The following RALGPS2 variants were observed in gnomAD, a reference collection of about 807,000 sequenced individuals.
RALGPS2 encodes the protein ras-specific guanine nucleotide-releasing factor RalGPS2.
A neutral mutation model predicts 86.8 loss-of-function variants in RALGPS2; 43 were observed. That is an observed-to-expected ratio of 0.50 (90% CI 0.39 to 0.64). RALGPS2 has a LOEUF of 0.64. Among genes scored for constraint, RALGPS2 ranks in the 30% least tolerant of loss-of-function variants. RALGPS2 has a pLI of 0.00. For synonymous variants in RALGPS2, 243 were observed against 231.3 expected (o/e 1.05, Z -0.46); for missense variants, 536 against 694.6 (o/e 0.77, Z 2.57).
At chr1:178,884,946 T>A in intron 11 of RALGPS2, 130 bp from the exon 12 acceptor site, 1 of 888,334 alleles carries the variant, frequency 1.1e-6, no homozygotes, top group Non-Finnish European at 1.6e-6. Context: ...GATATATTTC[T>A]CATCTTCAAG....
intron 8 of RALGPS2, among the ~76,000 whole-genome samples, chr1:178,854,485 A>G (rs991771656): frequency 6.6e-6 from 1 of 152,166 alleles, no homozygotes; most frequent in African/African-American, 2.4e-5. Flanking sequence ...AAACTCATAG[A>G]ATCTTAAATT....
At chr1:178,859,141 C>CTTTTT (rs10623482) in intron 8 of RALGPS2, among the ~76,000 whole-genome samples, 70,813 of 151,408 alleles carry the variant, frequency 0.47, 17,883 homozygotes, top group African/African-American at 0.66. Context: ...GCAACCCAAA[C>CTTTTT]TTTTAATTAT....
At chr1:178,834,970 G>A (rs1656203987) in intron 8 of RALGPS2, among the ~76,000 whole-genome samples, 1 of 152,214 alleles carries the variant, frequency 6.6e-6, no homozygotes, top group South Asian at 2.1e-4. Context: ...TAGAGACAGG[G>A]TTTCGCCATG....
At chr1:178,737,826 G>A (rs1650807303) in intron 1 of RALGPS2, among the ~76,000 whole-genome samples, 1 of 151,972 alleles carries the variant, frequency 6.6e-6, no homozygotes, top group South Asian at 2.1e-4. Context: ...CACCCAGACT[G>A]GATTCCAATG....
At chr1:178,770,842 T>G (rs1040326904) in intron 1 of RALGPS2, among the ~76,000 whole-genome samples, 2 of 149,728 alleles carry the variant, frequency 1.3e-5, no homozygotes, top group Non-Finnish European at 3.0e-5. Context: ...GTTGTTGTTT[T>G]TTTTTTTTTT....
rs902576809 is a variant in RALGPS2 at position 178,917,288 on chromosome 1, C to G, written c.*929C>G. 6.6e-6 allele frequency: 1 copy of G among 152,116 alleles called. No individual in the cohort carries two copies. The highest frequency in any genetic ancestry group is 1.5e-5 in the Non-Finnish European group (1 of 68,022). 9.4% of individuals were successfully genotyped at this position (152,116 alleles called of 1,614,324 possible). ...CCAAGTTAATTGGGTTTTCCCTTCTCCCAGTCATAGGTGGTTTTTATCATC... is the reference window on the plus strand; with the variant it reads ...CCAAGTTAATTGGGTTTTCCCTTCTGCCAGTCATAGGTGGTTTTTATCATC... On this transcript the variant is annotated 3_prime_UTR_variant, in exon 20 of 20. Coordinates refer to ENST00000367635, the MANE Select transcript of RALGPS2 (RefSeq NM_152663.5).
rs747733543 is a variant in RALGPS2 at position 178,865,312 on chromosome 1, T to C, written c.608-12186T>C. The C allele has an allele frequency of 1.9e-6, 3 of 1,614,084 alleles. No homozygotes were observed. The South Asian group carries it at 3.3e-5, about 18-fold the overall frequency. ...CTGTGGTGACATTGAGGATTTTGTT[T>C]TCCAGTTGGGAAAGTTCAAGTGAAT... On this transcript the variant is annotated intron_variant, in intron 8 of 19. Coordinates refer to ENST00000367635, the MANE Select transcript of RALGPS2 (RefSeq NM_152663.5).
intron 4 of RALGPS2, among the ~76,000 whole-genome samples, chr1:178,787,143 C>T (rs1292218039): frequency 1.3e-5 from 2 of 151,794 alleles, no homozygotes; most frequent in Non-Finnish European, 2.9e-5. Context: ...CTTATTTCTT[C>T]TCCTCCCTGA....
At chr1:178,865,119 G>T in intron 8 of RALGPS2, 1 of 1,582,032 alleles carries the variant, frequency 6.3e-7, no homozygotes, top group Admixed American at 1.7e-5. Context: ...ATATGTTGTG[G>T]CACCACCTGG....
intron 8 of RALGPS2, among the ~76,000 whole-genome samples, chr1:178,856,420 T>TTTTTTTTTTTTTTTTTTTTTTTG (rs1558152822): frequency 8.3e-6 from 1 of 120,566 alleles, no homozygotes; most frequent in African/African-American, 3.5e-5. Context: ...TTTTTTTTTT[T>TTTTTTTTTTTTTTTTTTTTTTTG]TTTTTTGAGA....
chr1:178,874,032 A>G (rs927896656), intron 8 of RALGPS2, among the ~76,000 whole-genome samples: 1 of 152,010 alleles, frequency 6.6e-6, no homozygotes, highest in Non-Finnish European at 1.5e-5. Context: ...TAACATTACA[A>G]ATACTATTAT....
At chr1:178,908,994 A>G (rs554889802) in intron 19 of RALGPS2, among the ~76,000 whole-genome samples, 1 of 152,288 alleles carries the variant, frequency 6.6e-6, no homozygotes, top group South Asian at 2.1e-4. Context: ...TGTGTCCAGA[A>G]TGGTATATCC....
chr1:178,865,797 T>G, intron 8 of RALGPS2: 1 of 1,525,878 alleles, frequency 6.6e-7, no homozygotes, highest in Non-Finnish European at 8.8e-7. Flanking sequence ...GGTTGTAAAA[T>G]GATGTCTTTT....
chr1:178,812,824 T>G (rs1427847766), intron 6 of RALGPS2, among the ~76,000 whole-genome samples: 1 of 152,162 alleles, frequency 6.6e-6, no homozygotes, highest in Non-Finnish European at 1.5e-5. Context: ...TATTCTAACA[T>G]TCTATGGCAC....
chr1:178,914,557 A>G (rs1017066240), intron 19 of RALGPS2, among the ~76,000 whole-genome samples: 1 of 151,712 alleles, frequency 6.6e-6, no homozygotes, highest in East Asian at 1.9e-4. Context: ...CTCTCAGTGC[A>G]TCCTCTCAGA....
intron 17 of RALGPS2, 23 bp from the exon 18 acceptor site, chr1:178,902,083 C>T (rs757762390): frequency 9.6e-6 from 15 of 1,566,980 alleles, no homozygotes; most frequent in Non-Finnish European, 1.2e-5. Context: ...TCTGTTTCCG[C>T]TAATTATCTT....
At chr1:178,758,860 T>C (rs888902294) in intron 1 of RALGPS2, among the ~76,000 whole-genome samples, 2 of 151,806 alleles carry the variant, frequency 1.3e-5, no homozygotes, top group Non-Finnish European at 2.9e-5. Context: ...TTACCAGTTA[T>C]ATGTTTTCTT....
chr1:178,823,677 C>G (rs1167192043), intron 7 of RALGPS2, among the ~76,000 whole-genome samples: 1 of 151,988 alleles, frequency 6.6e-6, no homozygotes, highest in Non-Finnish European at 1.5e-5. Context: ...GGAAGGTACC[C>G]GGTGGTAGGA....
chr1:178,800,959 C>T (rs926645317), intron 4 of RALGPS2, among the ~76,000 whole-genome samples: 2 of 151,178 alleles, frequency 1.3e-5, no homozygotes, highest in African/African-American at 2.4e-5. Flanking sequence ...AGAAGTCTCG[C>T]TCTGTTGCCC....
Sources: allele counts gnomAD v4.1 joint callset (sites outside exome capture counted in the v4.1 genomes callset), GRCh38; gene constraint gnomAD v4.1.1; transcripts MANE v1.5; gene names NCBI Gene and HGNC (gene_info 2026-07-23, HGNC 2026-07-21).